Variants in CDH13 observed in about 807,000 individuals in gnomAD.
CDH13 encodes the protein cadherin 13, also known as cadherin-13.
CDH13 carries 24 observed loss-of-function variants against 63.8 expected under a neutral mutation model. The ratio of observed to expected loss-of-function variants is 0.38; its 90% CI spans 0.27 to 0.53. The LOEUF is 0.53. Among genes scored for constraint, CDH13 ranks in the 20% least tolerant of loss-of-function variants. The pLI is 0.85. For synonymous variants in CDH13, 503 were observed against 355.3 expected (o/e 1.42, Z -4.67); for missense variants, 1,049 against 903.1 (o/e 1.16, Z -2.07).
chr16:83,615,753 T>C (rs1909229825), intron 8 of CDH13, among the ~76,000 whole-genome samples: 1 of 152,232 alleles, frequency 6.6e-6, no homozygotes, highest in Non-Finnish European at 1.5e-5. Context: ...TTACATCATT[T>C]CCTGTTCTTT....
intron 1 of CDH13, among the ~76,000 whole-genome samples, chr16:82,766,522 G>T (rs545731485): frequency 6.6e-6 from 1 of 152,184 alleles, no homozygotes. Flanking sequence ...TGCCTGGTTA[G>T]CTTGGAACAA....
chr16:83,712,790 A>C (rs1467077632), intron 10 of CDH13, among the ~76,000 whole-genome samples: 1 of 152,244 alleles, frequency 6.6e-6, no homozygotes, highest in Non-Finnish European at 1.5e-5. Context: ...ACACAACATC[A>C]TATCTGCCAT....
chr16:83,750,395 A>C (rs527737900), intron 11 of CDH13, among the ~76,000 whole-genome samples: 2 of 152,326 alleles, frequency 1.3e-5, no homozygotes, highest in Admixed American at 6.5e-5. Flanking sequence ...TTTTCTGCCC[A>C]GTGGTTCTTC....
intron 10 of CDH13, among the ~76,000 whole-genome samples, chr16:83,723,942 G>A (rs1057240947): frequency 2.8e-4 from 42 of 152,214 alleles, no homozygotes; most frequent in Non-Finnish European, 3.4e-4. Context: ...ATAGACACAT[G>A]GATGAGTGAT....
chr16:83,154,788 G>A (rs1258560705), intron 4 of CDH13, among the ~76,000 whole-genome samples: 1 of 152,042 alleles, frequency 6.6e-6, no homozygotes, highest in African/African-American at 2.4e-5. Flanking sequence ...AAGATTTTTG[G>A]CCCCAGGTGT....
intron 2 of CDH13, among the ~76,000 whole-genome samples, chr16:82,997,292 T>G (rs1328988822): frequency 6.6e-6 from 1 of 152,150 alleles, no homozygotes; most frequent in Admixed American, 6.5e-5. Flanking sequence ...AGCAAATGTG[T>G]AAACTCACAG....
At chr16:83,692,320 A>G (rs1229953372) in intron 10 of CDH13, among the ~76,000 whole-genome samples, 4 of 152,144 alleles carry the variant, frequency 2.6e-5, no homozygotes, top group Non-Finnish European at 5.9e-5. Flanking sequence ...CCATGGACTC[A>G]AGGTTGCTCC....
At chr16:83,214,578 T>TTAAAAAAA (rs1363612456) in intron 4 of CDH13, among the ~76,000 whole-genome samples, 1 of 15,904 alleles carries the variant, frequency 6.3e-5, no homozygotes. Context: ...AGACTCTGTC[T>TTAAAAAAA]CAAAAAAAAA....
At chr16:83,180,557 A>G (rs2038310448) in intron 4 of CDH13, among the ~76,000 whole-genome samples, 1 of 152,256 alleles carries the variant, frequency 6.6e-6, no homozygotes, top group Non-Finnish European at 1.5e-5. Context: ...CCATCATTTA[A>G]GATTTCTTCA....
chr16:82,754,432 T>C (rs2034537050), intron 1 of CDH13, among the ~76,000 whole-genome samples: 2 of 152,216 alleles, frequency 1.3e-5, no homozygotes. Flanking sequence ...AAAGTTATCC[T>C]AAAGAGAGCT....
chr16:82,901,397 G>T (rs991844174), intron 2 of CDH13, among the ~76,000 whole-genome samples: 1 of 150,804 alleles, frequency 6.6e-6, no homozygotes, highest in Non-Finnish European at 1.5e-5. Context: ...GATACTTAGG[G>T]TGCAGGGATG....
At chr16:83,769,987 A>G (rs1195633682) in intron 11 of CDH13, among the ~76,000 whole-genome samples, 1 of 152,216 alleles carries the variant, frequency 6.6e-6, no homozygotes, top group African/African-American at 2.4e-5. Context: ...GCCAGGGTGC[A>G]GCCTGATTAA....
chr16:83,256,752 G>GGCT (rs1207149321), intron 5 of CDH13, among the ~76,000 whole-genome samples: 33 of 150,404 alleles, frequency 2.2e-4, no homozygotes, highest in African/African-American at 7.1e-4. Context: ...GGCTGAGGCA[G>GGCT]GAGAATGGCA....
intron 7 of CDH13, among the ~76,000 whole-genome samples, chr16:83,550,107 C>G (rs1417452767): frequency 6.6e-6 from 1 of 152,236 alleles, no homozygotes; most frequent in Non-Finnish European, 1.5e-5. Flanking sequence ...CTTCAAGATT[C>G]ACAACCTTAG....
intron 6 of CDH13, among the ~76,000 whole-genome samples, chr16:83,425,159 C>G (rs1390307234): frequency 6.6e-6 from 1 of 152,188 alleles, no homozygotes; most frequent in Non-Finnish European, 1.5e-5. Flanking sequence ...TCATTCTGCT[C>G]TCCCGACATT....
chr16:83,779,929 A>C (rs1456614005), intron 11 of CDH13, 39 bp from the exon 12 acceptor site: 1 of 1,377,466 alleles, frequency 7.3e-7, no homozygotes, highest in African/African-American at 1.4e-5. Flanking sequence ...GCTCTCGCAT[A>C]TACCAGTTGC....
At chr16:83,386,757 G>A (rs2091682440) in intron 6 of CDH13, among the ~76,000 whole-genome samples, 2 of 152,240 alleles carry the variant, frequency 1.3e-5, no homozygotes, top group Admixed American at 6.5e-5. Context: ...TTTGGGGGAT[G>A]TTTGTTGGCT....
chr16:82,882,090 T>A (rs1597890157), intron 2 of CDH13, among the ~76,000 whole-genome samples: 1 of 152,332 alleles, frequency 6.6e-6, no homozygotes, highest in East Asian at 1.9e-4. Flanking sequence ...CTGATTCACA[T>A]CAGAGCTTTT....
intron 6 of CDH13, among the ~76,000 whole-genome samples, chr16:83,366,216 G>T (rs561321060): frequency 2.6e-5 from 4 of 152,128 alleles, no homozygotes; most frequent in African/African-American, 9.7e-5. Context: ...GTTTTCAAAT[G>T]AATTACCAAC....
Sources: gnomAD v4.1 joint callset for allele counts (sites outside exome capture counted in the v4.1 genomes callset) on GRCh38, gnomAD v4.1.1 for gene constraint, MANE v1.5 for transcripts, NCBI Gene and HGNC (gene_info 2026-07-23, HGNC 2026-07-21) for gene names.